Variants in ACVR2B observed in about 807,000 individuals in gnomAD.
ACVR2B encodes the protein activin A receptor type 2B, also known as activin receptor type-2B.
Under a neutral mutation model 65.1 loss-of-function variants are expected in ACVR2B, and 18 were observed. The ratio of observed to expected loss-of-function variants is 0.28; its 90% confidence interval spans 0.19 to 0.41. ACVR2B has a LOEUF of 0.41. Among genes scored for constraint, ACVR2B ranks in the 10% least tolerant of loss-of-function variants. ACVR2B has a pLI of 1.00. For missense variants in ACVR2B, 482 were observed against 682.7 expected (o/e 0.71, Z 3.28); for synonymous variants, 298 against 277.7 (o/e 1.07, Z -0.73).
chr3:38,476,529 G>A (rs1017160229), intron 1 of ACVR2B: 1 of 152,786 alleles, frequency 6.5e-6, no homozygotes, highest in Non-Finnish European at 1.5e-5. Flanking sequence ...CACCAGGTGT[G>A]GTTGCTGGGT....
chr3:38,466,669 A>G (rs1394886200), intron 1 of ACVR2B, among the ~76,000 whole-genome samples: 1 of 151,942 alleles, frequency 6.6e-6, no homozygotes, highest in Non-Finnish European at 1.5e-5. Context: ...AAGCCTGGCT[A>G]ATTTTTGTAT....
At position 38,487,248 on chromosome 3, in the gene ACVR2B, AAGG is replaced by A. The variant is rs954353202; in HGVS notation, c.*3920_*3922del. ...GGACTTGGGGGTGTTTCTGCAGAAA[AAGG>A]AGGTTGTTTTTCAGCCTTGAACATC... On this transcript the variant is annotated 3_prime_UTR_variant, in exon 11 of 11. Coordinates refer to ENST00000352511, the MANE Select transcript of ACVR2B (RefSeq NM_001106.4). The A allele has an allele frequency of 3.9e-5, 6 of 152,196 alleles. No homozygotes were observed. Among genetic ancestry groups the A allele is most frequent in the African/African-American group, 1.4e-4 (6 of 41,444 alleles). 9.4% of individuals were successfully genotyped at this position (152,196 alleles called of 1,614,324 possible). A position where few individuals can be genotyped will look rare whatever the true frequency, so the allele number is the denominator to read the frequency against.
Position 38,456,054 on chromosome 3 carries a change from G to A in ACVR2B, c.52+1680G>A, listed in dbSNP as rs114381380. Among the ~76,000 whole-genome samples, 1,285 of 152,316 alleles carry A rather than the reference G, an allele frequency of 8.4e-3. 6 individuals are homozygous for A. The highest frequency in any genetic ancestry group is 0.014 in the Middle Eastern group (4 of 294). ...CACCTCCCTCCTTAGGCAGGGCAGGGCGGCATCAGACCCCTGGAAGGACTG... is the reference window on the plus strand; with the variant it reads ...CACCTCCCTCCTTAGGCAGGGCAGGACGGCATCAGACCCCTGGAAGGACTG... On this transcript the variant is annotated intron_variant, in intron 1 of 10. Transcript: ENST00000352511.
rs918021459 is a variant in ACVR2B, at chr3:38,454,506, C to T, written c.52+132C>T. On this transcript the variant is annotated intron_variant, in intron 1 of 10. Coordinates refer to ENST00000352511, the MANE Select transcript of ACVR2B (RefSeq NM_001106.4). Reference sequence around the variant, plus strand: ...ACCACCTGTATTCAGCCCTCACCTCCGGGGGCGTGGGCTGGGGGCGCGGTG... The same window carrying T: ...ACCACCTGTATTCAGCCCTCACCTCTGGGGGCGTGGGCTGGGGGCGCGGTG... The T allele has an allele frequency of 3.2e-5, 27 of 836,916 alleles. No individual in the cohort carries two copies. The Admixed American group carries it at 1.3e-3, about 39-fold the overall frequency. The allele number at this position is 836,916 out of a possible 1,614,324, so 51.8% of individuals were successfully genotyped here.
Position 38,491,195 on chromosome 3 carries a change from G to A in ACVR2B, c.*7863G>A, listed in dbSNP as rs971153223. 2.6e-5 allele frequency: 4 copies of A among 152,348 alleles called. No homozygotes were observed. The highest frequency in any genetic ancestry group is 2.0e-4 in the Admixed American group (3 of 15,276). The allele number at this position is 152,348 out of a possible 1,614,324, so 9.4% of individuals were successfully genotyped here. A position where few individuals can be genotyped will look rare whatever the true frequency, so the allele number is the denominator to read the frequency against. On this transcript the variant is annotated 3_prime_UTR_variant, in exon 11 of 11. Transcript: ENST00000352511. Reference sequence around the variant, plus strand: ...AATAAATATATATATTTTTTAAAGAGCCTTTTTTACCAGTTCAAAAAGTTT... The same window carrying A: ...AATAAATATATATATTTTTTAAAGAACCTTTTTTACCAGTTCAAAAAGTTT...
chr3:38,483,485 TATA>T lies in ACVR2B; in HGVS notation c.*156_*158del, dbSNP rs2125726836. ...TTTTTATTATTATTATTATAATTAT[TATA>T]ATTATTATTATTAATATTATTTTTT... is the stretch of plus-strand genomic sequence containing the variant. On this transcript the variant is annotated 3_prime_UTR_variant, in exon 11 of 11. Coordinates refer to ENST00000352511, the MANE Select transcript of ACVR2B (RefSeq NM_001106.4). The surrounding 1 kb of genome is among the most constrained non-coding windows in gnomAD (Gnocchi z 4.8). The T allele has an allele frequency of 9.8e-6, 3 of 305,286 alleles. No homozygotes were observed. Among genetic ancestry groups the T allele is most frequent in the South Asian group, 1.6e-4 (2 of 12,312 alleles). 18.9% of individuals were successfully genotyped at this position (305,286 alleles called of 1,614,324 possible).
At chr3:38,479,077 G>A in intron 5 of ACVR2B, 51 bp from the exon 6 acceptor site, 1 of 1,611,672 alleles carries the variant, frequency 6.2e-7, no homozygotes, top group East Asian at 2.2e-5. Flanking sequence ...TGTGACTGCA[G>A]CAGGGCTAAG....
intron 1 of ACVR2B, chr3:38,473,789 C>G (rs529054301): frequency 1.3e-5 from 2 of 152,402 alleles, no homozygotes; most frequent in South Asian, 2.1e-4. Context: ...ACTACCCTAG[C>G]TGTGAAGTAT....
At chr3:38,460,374 T>A (rs1709623336) in intron 1 of ACVR2B, among the ~76,000 whole-genome samples, 3 of 152,204 alleles carry the variant, frequency 2.0e-5, no homozygotes, top group African/African-American at 7.2e-5. Flanking sequence ...GTGGAAATGC[T>A]GCTGCCTTCT....
chr3:38,459,972 A>G (rs1575578066), intron 1 of ACVR2B, among the ~76,000 whole-genome samples: 1 of 152,238 alleles, frequency 6.6e-6, no homozygotes, highest in Non-Finnish European at 1.5e-5. Flanking sequence ...TGTCTGTCTC[A>G]TCTTGAACTC....
At chr3:38,460,863 G>A (rs751865146) in intron 1 of ACVR2B, among the ~76,000 whole-genome samples, 7 of 152,214 alleles carry the variant, frequency 4.6e-5, no homozygotes, top group Non-Finnish European at 7.3e-5. Flanking sequence ...GACAACCAAG[G>A]AGGCTAAAAT....
rs185248395 is a variant in ACVR2B at position 38,481,934 on chromosome 3, T to C, written c.1075-264T>C. Among the ~76,000 whole-genome samples, 15 of 152,322 alleles carry C rather than the reference T, an allele frequency of 9.8e-5. No individual in the cohort carries two copies. The highest frequency in any genetic ancestry group is 9.8e-4 in the Admixed American group (15 of 15,298). ...CAGATACATATCATCTGTAGTTCCTTGTATTAATTTGGTAACAATTCCATT... is the reference window on the plus strand; with the variant it reads ...CAGATACATATCATCTGTAGTTCCTCGTATTAATTTGGTAACAATTCCATT... On this transcript the variant is annotated intron_variant, in intron 8 of 10. Transcript: ENST00000352511. The surrounding 1 kb of genome is among the most constrained non-coding windows in gnomAD (Gnocchi z 4.7).
intron 1 of ACVR2B, among the ~76,000 whole-genome samples, chr3:38,458,627 G>T (rs917364314): frequency 2.0e-5 from 3 of 152,144 alleles, no homozygotes; most frequent in Non-Finnish European, 4.4e-5. Flanking sequence ...TATGCATTCA[G>T]CCCCTCTGCT....
In ACVR2B at chr3:38,476,873, G is replaced by C. The variant is rs1018335324; in HGVS notation, c.53-414G>C. ...TACAGTGATTCCGATGTGCACTGGG[G>C]TTTTAAGGGGGCCTCTTCATCGGTT... On this transcript the variant is annotated intron_variant, in intron 1 of 10. Coordinates refer to ENST00000352511, the MANE Select transcript of ACVR2B (RefSeq NM_001106.4). The C allele has an allele frequency of 7.4e-5, 23 of 310,094 alleles. No homozygotes were observed. In the South Asian group the frequency reaches 8.3e-4, roughly 11 times the overall value. 19.2% of individuals were successfully genotyped at this position (310,094 alleles called of 1,614,324 possible).
chr3:38,479,740 A>G lies in ACVR2B; in HGVS notation c.873A>G (p.Ala291=), dbSNP rs199934914. Residue 291 remains alanine (A), a synonymous_variant, in exon 7 of 11, where the codon GCA becomes GCG. Coordinates refer to ENST00000352511, the MANE Select transcript of ACVR2B (RefSeq NM_001106.4). The part of the protein sequence containing the change: ...IITWNELCHV[A]ETMSRGLSYL... Reference sequence around the variant, plus strand: ...CATGGAACGAACTGTGTCATGTAGCAGAGACGATGTCACGAGGCCTCTCAT... The same window carrying G: ...CATGGAACGAACTGTGTCATGTAGCGGAGACGATGTCACGAGGCCTCTCAT... The G allele has an allele frequency of 1.2e-6, 2 of 1,614,090 alleles. No individual in the cohort carries two copies. The highest frequency in any genetic ancestry group is 2.7e-5 in the African/African-American group (2 of 74,938).
chr3:38,464,329 T>G (rs530745936), intron 1 of ACVR2B, among the ~76,000 whole-genome samples: 1 of 152,264 alleles, frequency 6.6e-6, no homozygotes, highest in Admixed American at 6.5e-5. Context: ...TTTCCGTGTA[T>G]GTGTGCAGGT....
rs886058435 is a variant in ACVR2B, at chr3:38,492,731, T to A, written c.*9399T>A. On this transcript the variant is annotated 3_prime_UTR_variant, in exon 11 of 11. Coordinates refer to ENST00000352511, the MANE Select transcript of ACVR2B (RefSeq NM_001106.4). ...AGTGTGCTGATTTATATATATATAT[T>A]ACACACACACACACACACACACACA... The A allele has an allele frequency of 4.0e-5, 5 of 124,790 alleles. No homozygotes were observed. The highest frequency in any genetic ancestry group is 8.2e-5 in the Non-Finnish European group (5 of 61,262). The allele number at this position is 124,790 out of a possible 1,614,324, so 7.7% of individuals were successfully genotyped here. A position where few individuals can be genotyped will look rare whatever the true frequency, so the allele number is the denominator to read the frequency against.
In ACVR2B at chr3:38,478,145, G is replaced by A. The variant is rs1180270476; in HGVS notation, c.375G>A (p.Thr125=). The A allele has an allele frequency of 2.5e-6, 4 of 1,611,606 alleles. No individual in the cohort carries two copies. Among genetic ancestry groups the A allele is most frequent in the Admixed American group, 1.7e-5 (1 of 59,978 alleles). ...HLPEAGGPEV[T]YEPPPTAPTL... is the part of the protein sequence containing the mutation. ...AGGGCTCTGTGTGTCCCCCAGTCACGTACGAGCCACCCCCGACAGCCCCCA... is the reference window on the plus strand; with the variant it reads ...AGGGCTCTGTGTGTCCCCCAGTCACATACGAGCCACCCCCGACAGCCCCCA... The change falls in exon 4 of 11, where the codon ACG becomes ACA. Residue 125 remains threonine (T), a synonymous_variant. Transcript: ENST00000352511.
At position 38,491,276 on chromosome 3, in the gene ACVR2B, C is replaced by T. The variant is rs1373749311; in HGVS notation, c.*7944C>T. ...TTGTCTCTGGGGCATAGATGGCAGACCAAGATTAAAAGTGGTAACTCAGCT... is the reference window on the plus strand; with the variant it reads ...TTGTCTCTGGGGCATAGATGGCAGATCAAGATTAAAAGTGGTAACTCAGCT... On this transcript the variant is annotated 3_prime_UTR_variant, in exon 11 of 11. Transcript: ENST00000352511. 6.6e-6 allele frequency: 1 copy of T among 152,614 alleles called. No individual in the cohort carries two copies. Among genetic ancestry groups the T allele is most frequent in the Non-Finnish European group, 1.5e-5 (1 of 68,044 alleles). The allele number at this position is 152,614 out of a possible 1,614,324, so 9.5% of individuals were successfully genotyped here.
Sources: allele counts gnomAD v4.1 joint callset (sites outside exome capture counted in the v4.1 genomes callset), GRCh38; gene constraint gnomAD v4.1.1; non-coding constraint Gnocchi (gnomAD v3.1); transcripts MANE v1.5; gene names NCBI Gene and HGNC (gene_info 2026-07-23, HGNC 2026-07-21).